DPH6: variants seen among roughly 807,000 people sequenced by gnomAD.
The protein encoded by DPH6 is diphthamine biosynthesis 6.
In DPH6, 33 loss-of-function variants were observed where a neutral mutation model predicts 38.2. The ratio of observed to expected loss-of-function variants is 0.86; its 90% CI spans 0.65 to 1.15. The LOEUF is 1.15. Ranked by LOEUF, DPH6 falls within the 50% of genes most tolerant of loss-of-function variation. The pLI is 0.00. For synonymous variants in DPH6, 108 were observed against 103.0 expected (o/e 1.05, Z -0.30); for missense variants, 325 against 320.0 (o/e 1.02, Z -0.12).
intron 3 of DPH6, among the ~76,000 whole-genome samples, chr15:35,260,305 A>G (rs1287184987): frequency 1.3e-5 from 2 of 152,116 alleles, no homozygotes; most frequent in South Asian, 2.1e-4. Context: ...ACAGGGTTTC[A>G]CCATGTTGGC....
rs146902264 is a variant in DPH6, at chr15:35,397,189, C to T, written c.567+13646G>A. Among the ~76,000 whole-genome samples, 467 of 152,346 alleles carry T rather than the reference C, an allele frequency of 3.1e-3. 5 individuals are homozygous for T. Among genetic ancestry groups the T allele is most frequent in the African/African-American group, 0.011 (444 of 41,594 alleles). ...ATTTATCCAGGTTTAGCTCTTACAG[C>T]ACCCAGCAGAGTGGTATGCTTCTTA... On this transcript the variant is annotated intron_variant, in intron 6 of 8. Transcript: ENST00000256538.
chr15:35,335,685 G>A (rs908457357), intron 3 of DPH6, among the ~76,000 whole-genome samples: 2 of 152,036 alleles, frequency 1.3e-5, no homozygotes, highest in South Asian at 2.1e-4. Flanking sequence ...TCAAAGATCA[G>A]ATGATTGTAT....
At chr15:35,383,522 T>C (rs1289299681) in intron 6 of DPH6, among the ~76,000 whole-genome samples, 3 of 152,232 alleles carry the variant, frequency 2.0e-5, no homozygotes, top group African/African-American at 4.8e-5. Context: ...CCAAATATAC[T>C]GTACTCTGTA....
At chr15:35,542,696 A>C (rs1436365087) in intron 1 of DPH6, among the ~76,000 whole-genome samples, 189 bp from the exon 2 acceptor site, 7 of 148,830 alleles carry the variant, frequency 4.7e-5, no homozygotes, top group Admixed American at 4.7e-4. Context: ...TAGGGCTGCT[A>C]CTCACAGGAG....
chr15:35,521,466 G>A, intron 3 of DPH6: 5 of 1,191,680 alleles, frequency 4.2e-6, no homozygotes, highest in Non-Finnish European at 5.2e-6. Flanking sequence ...GCTTTTCATT[G>A]ATCTAACAAA....
chr15:35,269,448 T>C (rs1213048397), intron 3 of DPH6, among the ~76,000 whole-genome samples: 1 of 152,130 alleles, frequency 6.6e-6, no homozygotes, highest in Admixed American at 6.6e-5. Context: ...TTCCGTGAAT[T>C]TTAGGACTTC....
intron 3 of DPH6, among the ~76,000 whole-genome samples, chr15:35,319,283 C>T (rs2052219410): frequency 6.6e-6 from 1 of 151,902 alleles, no homozygotes; most frequent in South Asian, 2.1e-4. Context: ...TCCCTCAAAT[C>T]TTAAGATGAT....
chr15:35,242,295 C>T lies in DPH6; in HGVS notation n.201-21713G>A, dbSNP rs905510803. Among the ~76,000 whole-genome samples, 34 of 143,094 alleles carry T rather than the reference C, an allele frequency of 2.4e-4. 8 individuals carry two copies. The highest frequency in any genetic ancestry group is 3.4e-4 in the Non-Finnish European group (22 of 65,418). The allele number at this position is 143,094 out of a possible 152,430, so 93.9% of individuals were successfully genotyped here. ...CTCAATCCCTTACAAAACAACAACT[C>T]CTTTCCTTCCTAGGCATGGTTAGTG... On this transcript the variant is annotated intron_variant and non_coding_transcript_variant, in intron 3 of 3. Coordinates refer to the DPH6 transcript ENST00000560386.
At chr15:35,249,801 G>A (rs1440414857) in intron 3 of DPH6, among the ~76,000 whole-genome samples, 1 of 152,122 alleles carries the variant, frequency 6.6e-6, no homozygotes, top group Non-Finnish European at 1.5e-5. Flanking sequence ...GAACATAAAG[G>A]TAAATTAAAA....
At chr15:35,485,480 T>C (rs1346928844) in intron 3 of DPH6, among the ~76,000 whole-genome samples, 1 of 152,230 alleles carries the variant, frequency 6.6e-6, no homozygotes, top group Non-Finnish European at 1.5e-5. Context: ...AACATCAGCA[T>C]GGATTATCTT....
At chr15:35,247,280 C>G (rs554579663) in intron 3 of DPH6, among the ~76,000 whole-genome samples, 1 of 152,316 alleles carries the variant, frequency 6.6e-6, no homozygotes, top group East Asian at 1.9e-4. Flanking sequence ...TCTACTTGAG[C>G]TGCTTCTCTT....
At chr15:35,410,977 C>T in intron 5 of DPH6, 81 bp from the exon 6 acceptor site, 1 of 1,236,780 alleles carries the variant, frequency 8.1e-7, no homozygotes, top group Non-Finnish European at 1.1e-6. Flanking sequence ...TTGGCCCCTC[C>T]TCACCTAGAA....
At chr15:35,291,831 T>C (rs961580306) in intron 3 of DPH6, among the ~76,000 whole-genome samples, 2 of 152,136 alleles carry the variant, frequency 1.3e-5, no homozygotes, top group African/African-American at 4.8e-5. Flanking sequence ...TTGAGAGATA[T>C]ATATTTTTTT....
intron 6 of DPH6, among the ~76,000 whole-genome samples, chr15:35,400,143 AAT>A (rs2053197734): frequency 1.3e-5 from 2 of 152,250 alleles, no homozygotes; most frequent in Non-Finnish European, 2.9e-5. Context: ...GAAAACTGGC[AAT>A]GAGTGTAGCG....
chr15:35,301,232 C>T (rs1272481335), intron 3 of DPH6, among the ~76,000 whole-genome samples: 1 of 152,114 alleles, frequency 6.6e-6, no homozygotes, highest in African/African-American at 2.4e-5. Flanking sequence ...CTTTGTCATC[C>T]AAGCCAGGAC....
At chr15:35,487,935 T>C (rs1323383360) in intron 3 of DPH6, among the ~76,000 whole-genome samples, 1 of 152,190 alleles carries the variant, frequency 6.6e-6, no homozygotes, top group African/African-American at 2.4e-5. Context: ...CTTGAATGCT[T>C]TGTTGCTTAG....
chr15:35,257,930 G>C (rs1416049738), intron 3 of DPH6, among the ~76,000 whole-genome samples: 1 of 152,024 alleles, frequency 6.6e-6, no homozygotes, highest in African/African-American at 2.4e-5. Context: ...GCAATAAAGG[G>C]AACGTTATCA....
intron 3 of DPH6, among the ~76,000 whole-genome samples, chr15:35,229,764 C>A (rs186164679): frequency 6.6e-6 from 1 of 152,138 alleles, no homozygotes; most frequent in Admixed American, 6.5e-5. Context: ...ACCCAAAGCT[C>A]GGTAAACTGT....
chr15:35,163,668 A>G, the DPH6 span, among the ~76,000 whole-genome samples: 1 of 151,894 alleles, frequency 6.6e-6, no homozygotes, highest in East Asian at 1.9e-4. Flanking sequence ...AAAATATTAC[A>G]TCTAAATTCG....
Sources: gnomAD v4.1 joint callset for allele counts (sites outside exome capture counted in the v4.1 genomes callset) on GRCh38, gnomAD v4.1.1 for gene constraint, MANE v1.5 for transcripts, NCBI Gene and HGNC (gene_info 2026-07-23, HGNC 2026-07-21) for gene names.